The following CUL1 variants were observed in gnomAD, a reference collection of about 807,000 sequenced individuals.
The protein encoded by CUL1 is cullin 1, also known as cullin-1.
In CUL1, 24 loss-of-function variants were observed where a neutral mutation model predicts 118.0. The ratio of observed to expected loss-of-function variants is 0.20; its 90% CI spans 0.15 to 0.29. The LOEUF (loss-of-function observed/expected upper bound fraction) is 0.29. Among genes scored for constraint, CUL1 ranks in the 10% least tolerant of loss-of-function variants. The probability of loss-of-function intolerance (pLI) is 1.00; values close to 1 mark genes in which losing one functional copy is unlikely to be tolerated. For synonymous variants in CUL1, 332 were observed against 340.4 expected, an observed-to-expected ratio of 0.98 and a Z score of 0.27; for missense variants, 361 against 933.8, an observed-to-expected ratio of 0.39 and a Z score of 7.99.
chr7:148,724,053 G>T (rs1458631261), intron 1 of CUL1, among the ~76,000 whole-genome samples: 1 of 152,212 alleles, frequency 6.6e-6, no homozygotes, highest in Non-Finnish European at 1.5e-5. Context: ...GTTGCAATTA[G>T]TGTTTAGTGG....
chr7:148,734,671 T>TA (rs1248612853), intron 2 of CUL1, among the ~76,000 whole-genome samples: 1 of 152,226 alleles, frequency 6.6e-6, no homozygotes, highest in Non-Finnish European at 1.5e-5. Context: ...GACACCGCTA[T>TA]ATTTCAGGTG....
intron 3 of CUL1, among the ~76,000 whole-genome samples, chr7:148,754,751 CCTTTTTTTTTTTT>C (rs2129460375): frequency 6.6e-6 from 1 of 151,100 alleles, no homozygotes; most frequent in East Asian, 1.9e-4. Flanking sequence ...TTTTTCTTTT[CCTTTTTTTTTTTT>C]AAGACAGGGT....
intron 2 of CUL1, among the ~76,000 whole-genome samples, chr7:148,744,086 T>C (rs563316782): frequency 6.6e-6 from 1 of 152,346 alleles, no homozygotes; most frequent in South Asian, 2.1e-4. Flanking sequence ...TTTCTATGCT[T>C]AATGTTTGCA....
At position 148,786,402 on chromosome 7, in the gene CUL1, T is replaced by C. The variant is rs1028723431; in HGVS notation, c.1299-149T>C. ...TTACAGTATGAGATTGCCAGTTTGC[T>C]GTAGGTAAGGAAAGTCAACCTTCCC... On this transcript the variant is annotated intron_variant, in intron 11 of 21. Transcript: ENST00000325222. 3.4e-5 allele frequency: 21 copies of C among 611,758 alleles called. No individual in the cohort carries two copies. In the African/African-American group the frequency reaches 3.5e-4, roughly 10 times the overall value. The allele number at this position is 611,758 out of a possible 1,614,324, so 37.9% of individuals were successfully genotyped here.
chr7:148,798,479 C>A, intron 19 of CUL1, 93 bp from the exon 20 acceptor site: 1 of 839,364 alleles, frequency 1.2e-6, no homozygotes, highest in Admixed American at 2.1e-5. Flanking sequence ...TCTAGGGAAG[C>A]AGGGCACTTC....
chr7:148,783,916 C>T (rs773433965), intron 10 of CUL1, 26 bp downstream of exon 10: 1 of 1,613,230 alleles, frequency 6.2e-7, no homozygotes, highest in African/African-American at 1.3e-5. Flanking sequence ...TTGTGACTTG[C>T]CTGTAGTATG....
intron 3 of CUL1, among the ~76,000 whole-genome samples, chr7:148,754,568 AATG>A: frequency 6.6e-6 from 1 of 152,310 alleles, no homozygotes; most frequent in Non-Finnish European, 1.5e-5. Context: ...GGTTGTTAGA[AATG>A]ATGAACTTTT....
At chr7:148,705,641 C>T (rs1231969828) in intron 1 of CUL1, among the ~76,000 whole-genome samples, 1 of 152,110 alleles carries the variant, frequency 6.6e-6, no homozygotes, top group Non-Finnish European at 1.5e-5. Context: ...CTCCTTTTCT[C>T]AAGGCAGGAA....
chr7:148,784,091 C>G lies in CUL1; in HGVS notation c.1298+14C>G, dbSNP rs2129462600. 6.3e-7 allele frequency: 1 copy of G among 1,589,778 alleles called. No individual in the cohort carries two copies. Among genetic ancestry groups the G allele is most frequent in the East Asian group, 2.2e-5 (1 of 44,812 alleles). On this transcript the variant is annotated intron_variant, in intron 11 of 21. Coordinates refer to ENST00000325222, the MANE Select transcript of CUL1 (RefSeq NM_003592.3). ...GTTGAAGAAAAGGTATTAAATGACC[C>G]TATGTTTTCTTAGTATGCCTGTTTA...
intron 1 of CUL1, among the ~76,000 whole-genome samples, chr7:148,726,662 C>G (rs1289376495): frequency 6.6e-6 from 1 of 151,960 alleles, no homozygotes; most frequent in African/African-American, 2.4e-5. Flanking sequence ...TAGAAGCTTG[C>G]CAAGTTTGAT....
chr7:148,743,248 G>A (rs1445905777), intron 2 of CUL1, among the ~76,000 whole-genome samples: 7 of 152,160 alleles, frequency 4.6e-5, no homozygotes, highest in Non-Finnish European at 1.0e-4. Context: ...TGCAGCTGTT[G>A]GCTGTAGATG....
chr7:148,751,144 C>T (rs2129460245), intron 2 of CUL1, among the ~76,000 whole-genome samples: 1 of 152,236 alleles, frequency 6.6e-6, no homozygotes, highest in Non-Finnish European at 1.5e-5. Context: ...GTTGGCAACT[C>T]TTAATAAAGT....
At chr7:148,766,815 ACTTGCCCAT>A in intron 8 of CUL1, 92 bp downstream of exon 8, 1 of 1,087,060 alleles carries the variant, frequency 9.2e-7, no homozygotes, top group Admixed American at 2.5e-5. Flanking sequence ...CAACGGCATT[ACTTGCCCAT>A]GTCAGTTTTA....
chr7:148,757,214 T>A (rs1299760741), intron 4 of CUL1, 64 bp downstream of exon 4: 1 of 1,116,140 alleles, frequency 9.0e-7, no homozygotes, highest in East Asian at 2.8e-5. Context: ...AATGGCAAAT[T>A]GTCTTTCAGC....
chr7:148,714,716 C>G (rs1312036741), intron 1 of CUL1, among the ~76,000 whole-genome samples: 5 of 138,638 alleles, frequency 3.6e-5, no homozygotes, highest in Admixed American at 3.6e-4. Flanking sequence ...CAAAGGGACT[C>G]ATTTTAGAGG....
chr7:148,728,663 T>C (rs1798661575), intron 1 of CUL1, among the ~76,000 whole-genome samples: 1 of 152,238 alleles, frequency 6.6e-6, no homozygotes, highest in Non-Finnish European at 1.5e-5. Flanking sequence ...CCAATTCGAA[T>C]GTAAGACATA....
intron 9 of CUL1, among the ~76,000 whole-genome samples, chr7:148,776,664 A>G (rs542031156): frequency 2.6e-5 from 4 of 152,196 alleles, no homozygotes; most frequent in African/African-American, 7.2e-5. Flanking sequence ...TCTCTTAATT[A>G]TAGGGAAGAC....
chr7:148,722,999 A>G (rs1344366304), intron 1 of CUL1, among the ~76,000 whole-genome samples: 1 of 152,192 alleles, frequency 6.6e-6, no homozygotes, highest in Non-Finnish European at 1.5e-5. Context: ...CACCTGTTCC[A>G]GTTAGATTTC....
At position 148,786,851 on chromosome 7, in the gene CUL1, A is replaced by G. The variant is rs1800831224; in HGVS notation, c.1348-138A>G. ...AAGACTCTGGAGTGGAGATTTTGCC[A>G]TCATAAACGTTGGCGTACAGACCTG... On this transcript the variant is annotated intron_variant, in intron 12 of 21. Coordinates refer to ENST00000325222, the MANE Select transcript of CUL1 (RefSeq NM_003592.3). The G allele has an allele frequency of 3.5e-6, 4 of 1,158,078 alleles. No individual in the cohort carries two copies. In the South Asian group the frequency reaches 5.9e-5, roughly 17 times the overall value. 71.7% of individuals were successfully genotyped at this position (1,158,078 alleles called of 1,614,324 possible).
Sources: allele counts gnomAD v4.1 joint callset (sites outside exome capture counted in the v4.1 genomes callset), GRCh38; gene constraint gnomAD v4.1.1; transcripts MANE v1.5; gene names NCBI Gene and HGNC (gene_info 2026-07-23, HGNC 2026-07-21).